The following HSPA6 variants were observed in gnomAD, a reference collection of about 807,000 sequenced individuals.
The protein encoded by HSPA6 is heat shock 70 kDa protein 6.
For synonymous variants in HSPA6, 312 were observed against 368.2 expected (o/e 0.85, Z 1.75); for missense variants, 718 against 860.9 (o/e 0.83, Z 2.08).
chr1:161,526,387 C>T lies in HSPA6; in HGVS notation c.1729C>T (p.Arg577Trp), dbSNP rs189929972. The T allele has an allele frequency of 5.3e-5, 85 of 1,598,768 alleles. 2 individuals carry two copies. The African/African-American group carries it at 6.8e-4, about 13-fold the overall frequency. Residue 577 changes from arginine (R) to tryptophan (W), a missense_variant, in exon 1 of 1, where the codon CGG becomes TGG. Transcript: ENST00000309758. ...CAGGCGCAAAATGCAAGACAAGTGT[C>T]GGGAAGTCCTTGCCTGGCTGGAGCA... ...EDRRKMQDKC[R>W]EVLAWLEHNQ...
Position 161,525,294 on chromosome 1 carries a change from C to G in HSPA6, c.636C>G (p.Leu212=), listed in dbSNP as rs142060516. The G allele has an allele frequency of 6.2e-7, 1 of 1,614,054 alleles. No individual in the cohort carries two copies. The highest frequency in any genetic ancestry group is 8.5e-7 in the Non-Finnish European group (1 of 1,179,970). ...LGGGTFDVSV[L]SIDAGVFEVK... ...GGGGCACCTTCGATGTGTCGGTTCT[C>G]TCCATTGACGCTGGTGTCTTTGAGG... is the stretch of plus-strand genomic sequence containing the variant. Residue 212 remains leucine (L), a synonymous_variant, in exon 1 of 1, where the codon CTC becomes CTG. Coordinates refer to ENST00000309758, the MANE Select transcript of HSPA6 (RefSeq NM_002155.5).
Position 161,524,710 on chromosome 1 carries a change from T to C in HSPA6, c.52T>C (p.Ser18Pro). The change falls in exon 1 of 1, where the codon TCG becomes CCG. Residue 18 changes from serine (S) to proline (P), a missense_variant. By Grantham distance (74) the Ser-to-Pro change is moderately conservative. Coordinates refer to ENST00000309758, the MANE Select transcript of HSPA6 (RefSeq NM_002155.5). ...GGGCATCGACCTGGGCACCACCTAC[T>C]CGTGCGTGGGCGTGTTTCAGCAGGG... Reference protein sequence around the residue: ...AVGIDLGTTYSCVGVFQQGRV... With the variant: ...AVGIDLGTTYPCVGVFQQGRV... 7.0e-7 allele frequency: 1 copy of C among 1,422,190 alleles called. No homozygotes were observed. Among genetic ancestry groups the C allele is most frequent in the Non-Finnish European group, 9.6e-7 (1 of 1,038,416 alleles). 88.1% of individuals were successfully genotyped at this position (1,422,190 alleles called of 1,614,324 possible).
At position 161,526,681 on chromosome 1, in the gene HSPA6, A is replaced by C; in HGVS notation, c.*91A>C. The C allele has an allele frequency of 7.5e-7, 1 of 1,332,050 alleles. No homozygotes were observed. Among genetic ancestry groups the C allele is most frequent in the Non-Finnish European group, 1.0e-6 (1 of 1,004,126 alleles). The allele number at this position is 1,332,050 out of a possible 1,614,324, so 82.5% of individuals were successfully genotyped here. A position where few individuals can be genotyped will look rare whatever the true frequency, so the allele number is the denominator to read the frequency against. The stretch of plus-strand genomic sequence containing the variant: ...CTATGATCCTGCCCTTCAGAGATGA[A>C]CTTTCCCTCCAAAGCTAGAACTTTC... On this transcript the variant is annotated 3_prime_UTR_variant, in exon 1 of 1. Coordinates refer to ENST00000309758, the MANE Select transcript of HSPA6 (RefSeq NM_002155.5).
Position 161,525,341 on chromosome 1 carries a change from C to T in HSPA6, c.683C>T (p.Thr228Ile). ...VFEVKATAGD[T>I]HLGGEDFDNR... ...GAGGTGAAAGCCACTGCTGGAGATA[C>T]CCACCTGGGAGGAGAGGACTTCGAC... The change falls in exon 1 of 1, where the codon ACC (threonine) becomes ATC (isoleucine). Residue 228 changes from threonine to isoleucine, a missense_variant. Coordinates refer to ENST00000309758, the MANE Select transcript of HSPA6 (RefSeq NM_002155.5). 1 of 1,613,852 alleles carries T rather than the reference C, an allele frequency of 6.2e-7. No individual in the cohort carries two copies. Among genetic ancestry groups the T allele is most frequent in the Non-Finnish European group, 8.5e-7 (1 of 1,179,886 alleles).
rs1676648837 is a variant in HSPA6 at position 161,525,312 on chromosome 1, CTT to C, written c.656_657del (p.Phe219Ter). On this transcript the variant is annotated frameshift_variant, in exon 1 of 1. Transcript: ENST00000309758. LOFTEE classifies it low-confidence loss of function (END_TRUNC). The stretch of plus-strand genomic sequence containing the variant: ...CGGTTCTCTCCATTGACGCTGGTGT[CTT>C]TGAGGTGAAAGCCACTGCTGGAGAT... ...VSVLSIDAGVFEVKATAGDTH... is the reference protein window; with the variant it reads ...VSVLSIDAGVXEVKATAGDTH... 6.2e-7 allele frequency: 1 copy of C among 1,613,906 alleles called. No homozygotes were observed. Among genetic ancestry groups the C allele is most frequent in the Admixed American group, 1.7e-5 (1 of 60,004 alleles).
Position 161,525,241 on chromosome 1 carries a change from C to G in HSPA6, c.583C>G (p.Arg195Gly), listed in dbSNP as rs1207661887. ...GCTGGACCGGCGGGGCGCGGGAGAG[C>G]GCAACGTGCTCATTTTTGACCTGGG... ...YGLDRRGAGE[R>G]NVLIFDLGGG... is the part of the protein sequence containing the mutation. Residue 195 changes from arginine (R) to glycine (G), a missense_variant, in exon 1 of 1, where the codon CGC becomes GGC. Arg to Gly is a moderately radical substitution (Grantham distance 125). Coordinates refer to ENST00000309758, the MANE Select transcript of HSPA6 (RefSeq NM_002155.5). 1.9e-6 allele frequency: 3 copies of G among 1,613,988 alleles called. No individual in the cohort carries two copies. The highest frequency in any genetic ancestry group is 2.5e-6 in the Non-Finnish European group (3 of 1,179,956).
In HSPA6 at chr1:161,525,189, G is replaced by A. The variant is rs1250691080; in HGVS notation, c.531G>A (p.Glu177=). Residue 177 remains glutamate (E), a synonymous_variant, in exon 1 of 1, where the codon GAG becomes GAA. Coordinates refer to ENST00000309758, the MANE Select transcript of HSPA6 (RefSeq NM_002155.5). ...TCAACGTGTTGCGGATCATCAATGA[G>A]CCCACGGCAGCTGCCATCGCCTATG... The part of the protein sequence containing the change: ...AGLNVLRIIN[E]PTAAAIAYGL... The A allele has an allele frequency of 1.2e-6, 2 of 1,613,954 alleles. No individual in the cohort carries two copies. Among genetic ancestry groups the A allele is most frequent in the Non-Finnish European group, 1.7e-6 (2 of 1,179,954 alleles).
Position 161,526,014 on chromosome 1 carries a change from C to T in HSPA6, c.1356C>T (p.Thr452=), listed in dbSNP as rs777686581. ...IQVYEGERAM[T]KDNNLLGRFE... is the part of the protein sequence containing the mutation. Reference sequence around the variant, plus strand: ...TGTATGAGGGTGAGAGGGCCATGACCAAGGACAACAACCTGCTGGGGCGTT... The same window carrying T: ...TGTATGAGGGTGAGAGGGCCATGACTAAGGACAACAACCTGCTGGGGCGTT... Residue 452 remains threonine, a synonymous_variant, in exon 1 of 1, where the codon ACC becomes ACT. Transcript: ENST00000309758. 3 of 1,613,648 alleles carry T rather than the reference C, an allele frequency of 1.9e-6. No individual in the cohort carries two copies. The African/African-American group carries it at 4.0e-5, about 22-fold the overall frequency.
In HSPA6 at chr1:161,526,674, G is replaced by A; in HGVS notation, c.*84G>A. ...CTGTCTTCTATGATCCTGCCCTTCAGAGATGAACTTTCCCTCCAAAGCTAG... is the reference window on the plus strand; with the variant it reads ...CTGTCTTCTATGATCCTGCCCTTCAAAGATGAACTTTCCCTCCAAAGCTAG... On this transcript the variant is annotated 3_prime_UTR_variant, in exon 1 of 1. Transcript: ENST00000309758. 7.4e-7 allele frequency: 1 copy of A among 1,352,330 alleles called. No individual in the cohort carries two copies. Among genetic ancestry groups the A allele is most frequent in the East Asian group, 2.4e-5 (1 of 40,928 alleles). 83.8% of individuals were successfully genotyped at this position (1,352,330 alleles called of 1,614,324 possible).
Position 161,525,386 on chromosome 1 carries a change from T to A in HSPA6, c.728T>A (p.Phe243Tyr). The change falls in exon 1 of 1, where the codon TTC (phenylalanine) becomes TAC (tyrosine). Residue 243 changes from phenylalanine (F) to tyrosine (Y), a missense_variant. Physicochemically the swap from Phe to Tyr is conservative, Grantham distance 22. Transcript: ENST00000309758. ...TTCGACAACCGGCTCGTGAACCACT[T>A]CATGGAAGAATTCCGGCGGAAGCAT... ...EDFDNRLVNH[F>Y]MEEFRRKHGK... The A allele has an allele frequency of 3.7e-6, 6 of 1,611,842 alleles. No individual in the cohort carries two copies. Among genetic ancestry groups the A allele is most frequent in the Non-Finnish European group, 5.1e-6 (6 of 1,178,960 alleles).
Position 161,526,349 on chromosome 1 carries a change from T to C in HSPA6, c.1691T>C (p.Ile564Thr). ...CAAGAGGAAAGCCTTAGGGACAAGA[T>C]TCCCGAAGAGGACAGGCGCAAAATG... Reference protein sequence around the residue: ...SLQEESLRDKIPEEDRRKMQD... With the variant: ...SLQEESLRDKTPEEDRRKMQD... Residue 564 changes from isoleucine (I) to threonine (T), a missense_variant, in exon 1 of 1, where the codon ATT becomes ACT. Transcript: ENST00000309758. 4 of 1,603,430 alleles carry C rather than the reference T, an allele frequency of 2.5e-6. No individual in the cohort carries two copies. The highest frequency in any genetic ancestry group is 2.6e-6 in the Non-Finnish European group (3 of 1,174,340).
chr1:161,525,265 G>T lies in HSPA6; in HGVS notation c.607G>T (p.Gly203Cys). 1 of 1,614,062 alleles carries T rather than the reference G, an allele frequency of 6.2e-7. No homozygotes were observed. The highest frequency in any genetic ancestry group is 8.5e-7 in the Non-Finnish European group (1 of 1,179,964). Residue 203 changes from glycine (G) to cysteine (C), a missense_variant, in exon 1 of 1, where the codon GGT (glycine) becomes TGT (cysteine). Transcript: ENST00000309758. ...GERNVLIFDLGGGTFDVSVLS... is the reference protein window; with the variant it reads ...GERNVLIFDLCGGTFDVSVLS... The stretch of plus-strand genomic sequence containing the variant: ...GCGCAACGTGCTCATTTTTGACCTG[G>T]GTGGGGGCACCTTCGATGTGTCGGT...
In HSPA6 at chr1:161,525,330, T is replaced by C. The variant is rs1460459941; in HGVS notation, c.672T>C (p.Thr224=). Residue 224 remains threonine, a synonymous_variant, in exon 1 of 1, where the codon ACT becomes ACC. Transcript: ENST00000309758. ...CTGGTGTCTTTGAGGTGAAAGCCACTGCTGGAGATACCCACCTGGGAGGAG... is the reference window on the plus strand; with the variant it reads ...CTGGTGTCTTTGAGGTGAAAGCCACCGCTGGAGATACCCACCTGGGAGGAG... ...IDAGVFEVKA[T]AGDTHLGGED... The C allele has an allele frequency of 1.2e-5, 19 of 1,613,978 alleles. No individual in the cohort carries two copies. Among genetic ancestry groups the C allele is most frequent in the Non-Finnish European group, 1.6e-5 (19 of 1,179,936 alleles).
rs563282313 is a variant in HSPA6 at position 161,526,009 on chromosome 1, A to G, written c.1351A>G (p.Met451Val). ...FIQVYEGERAMTKDNNLLGRF... is the reference protein window; with the variant it reads ...FIQVYEGERAVTKDNNLLGRF... ...CCAGGTGTATGAGGGTGAGAGGGCC[A>G]TGACCAAGGACAACAACCTGCTGGG... Residue 451 changes from methionine to valine, a missense_variant, in exon 1 of 1, where the codon ATG (methionine) becomes GTG (valine). Transcript: ENST00000309758. 5 of 1,613,852 alleles carry G rather than the reference A, an allele frequency of 3.1e-6. No individual in the cohort carries two copies. Among genetic ancestry groups the G allele is most frequent in the Admixed American group, 3.3e-5 (2 of 59,988 alleles).
chr1:161,525,680 G>A lies in HSPA6; in HGVS notation c.1022G>A (p.Gly341Asp), dbSNP rs138329594. The part of the protein sequence containing the change: ...AQIHDVVLVG[G>D]STRIPKVQKL... ...ATTCATGACGTCGTCCTGGTGGGGG[G>A]CTCCACACGCATCCCCAAGGTGCAG... Residue 341 changes from glycine (G) to aspartate (D), a missense_variant, in exon 1 of 1, where the codon GGC (glycine) becomes GAC (aspartate). Transcript: ENST00000309758. 7.3e-5 allele frequency: 117 copies of A among 1,613,774 alleles called. No individual in the cohort carries two copies. The highest frequency in any genetic ancestry group is 3.3e-4 in the Middle Eastern group (2 of 6,084).
chr1:161,524,869 G>A lies in HSPA6; in HGVS notation c.211G>A (p.Asp71Asn), dbSNP rs1317735428. The A allele has an allele frequency of 1.9e-5, 30 of 1,612,458 alleles. No homozygotes were observed. Among genetic ancestry groups the A allele is most frequent in the Middle Eastern group, 1.7e-4 (1 of 6,058 alleles). ...AALNPHNTVF[D>N]AKRLIGRKFA... The stretch of plus-strand genomic sequence containing the variant: ...CCTGAACCCCCACAACACCGTGTTC[G>A]ATGCCAAGCGGCTGATCGGGCGCAA... Residue 71 changes from aspartate to asparagine, a missense_variant, in exon 1 of 1, where the codon GAT becomes AAT. Asp to Asn is a conservative substitution (Grantham distance 23). Coordinates refer to ENST00000309758, the MANE Select transcript of HSPA6 (RefSeq NM_002155.5).
Position 161,525,985 on chromosome 1 carries a change from C to T in HSPA6, c.1327C>T (p.Gln443Ter). 2 of 1,613,732 alleles carry T rather than the reference C, an allele frequency of 1.2e-6. No homozygotes were observed. The highest frequency in any genetic ancestry group is 8.5e-7 in the Non-Finnish European group (1 of 1,179,876). ...GGACAACCAGCCTGGGGTCTTCATC[C>T]AGGTGTATGAGGGTGAGAGGGCCAT... is the stretch of plus-strand genomic sequence containing the variant. ...YSDNQPGVFI[Q>*]VYEGERAMTK... Residue 443 changes from glutamine (Q) to a stop codon, truncating the protein, a stop_gained, in exon 1 of 1, where the codon CAG (glutamine) becomes TAG (stop). Coordinates refer to ENST00000309758, the MANE Select transcript of HSPA6 (RefSeq NM_002155.5). LOFTEE classifies it low-confidence loss of function (END_TRUNC).
Position 161,524,649 on chromosome 1 carries a change from A to G in HSPA6, c.-10A>G. 1 of 1,331,314 alleles carries G rather than the reference A, an allele frequency of 7.5e-7. No homozygotes were observed. Among genetic ancestry groups the G allele is most frequent in the Non-Finnish European group, 1.0e-6 (1 of 984,980 alleles). 82.5% of individuals were successfully genotyped at this position (1,331,314 alleles called of 1,614,324 possible). A position where few individuals can be genotyped will look rare whatever the true frequency, so the allele number is the denominator to read the frequency against. On this transcript the variant is annotated 5_prime_UTR_variant, in exon 1 of 1. Coordinates refer to ENST00000309758, the MANE Select transcript of HSPA6 (RefSeq NM_002155.5). The stretch of plus-strand genomic sequence containing the variant: ...CCGTGGCCTCCAGCATCCGACAAGA[A>G]GCTTCAGCCATGCAGGCCCCACGGG...
rs1389352556 is a variant in HSPA6 at position 161,525,861 on chromosome 1, G to A, written c.1203G>A (p.Leu401=). The A allele has an allele frequency of 7.5e-6, 12 of 1,594,326 alleles. No individual in the cohort carries two copies. The highest frequency in any genetic ancestry group is 1.0e-5 in the Non-Finnish European group (12 of 1,167,836). The part of the protein sequence containing the change: ...QDLLLLDVAP[L]SLGLETAGGV... The stretch of plus-strand genomic sequence containing the variant: ...TCCTGCTGCTGGATGTGGCTCCCCT[G>A]TCTCTGGGGCTGGAGACAGCAGGTG... The change falls in exon 1 of 1, where the codon CTG becomes CTA. Residue 401 remains leucine, a synonymous_variant. Coordinates refer to ENST00000309758, the MANE Select transcript of HSPA6 (RefSeq NM_002155.5).
Sources: gnomAD v4.1 joint callset for allele counts on GRCh38, gnomAD v4.1.1 for gene constraint, MANE v1.5 for transcripts, NCBI Gene and HGNC (gene_info 2026-07-23, HGNC 2026-07-21) for gene names.